MRTFB: variants seen among roughly 807,000 people sequenced by gnomAD.
MRTFB encodes the protein myocardin related transcription factor B.
A neutral mutation model predicts 104.2 loss-of-function variants in MRTFB; 29 were observed. The observed-to-expected ratio is 0.28, with a 90% CI of 0.21 to 0.38. The LOEUF (loss-of-function observed/expected upper bound fraction) is 0.38, where lower values mean the gene tolerates loss of function less well. MRTFB is among the 10% of genes least tolerant of loss of function. MRTFB has a pLI of 1.00. For missense variants in MRTFB, 1,270 were observed against 1,341.6 expected (o/e 0.95, Z 0.83); for synonymous variants, 535 against 519.5 (o/e 1.03, Z -0.41).
chr16:14,217,361 T>C (rs962122988), intron 7 of MRTFB, 74 bp downstream of exon 7: 24 of 1,348,670 alleles, frequency 1.8e-5, no homozygotes, highest in Non-Finnish European at 2.3e-5. Context: ...AAATATAATT[T>C]AAAGGCTAGC....
chr16:14,100,634 A>G (rs926960285), intron 2 of MRTFB, among the ~76,000 whole-genome samples: 1 of 152,244 alleles, frequency 6.6e-6, no homozygotes, highest in Admixed American at 6.5e-5. Context: ...TTATGAAAGA[A>G]TTTAGATAGA....
At chr16:14,093,089 T>C (rs533530173) in intron 2 of MRTFB, among the ~76,000 whole-genome samples, 1 of 152,290 alleles carries the variant, frequency 6.6e-6, no homozygotes, top group Admixed American at 6.5e-5. Context: ...ACCCTTTAAT[T>C]TTTGAAGTCA....
chr16:14,202,084 CTT>C (rs2040729774), intron 3 of MRTFB, among the ~76,000 whole-genome samples: 1 of 148,096 alleles, frequency 6.8e-6, no homozygotes. Flanking sequence ...AGGTGCAAAA[CTT>C]TATATTTGTA....
chr16:14,028,206 C>CAACAAAACAA, the MRTFB span, among the ~76,000 whole-genome samples: 14,235 of 151,262 alleles, frequency 0.094, 743 homozygotes, highest in African/African-American at 0.11. Flanking sequence ...AAACACAACA[C>CAACAAAACAA]AACAAAACAA....
At chr16:14,222,443 C>A (rs1597293357) in intron 8 of MRTFB, among the ~76,000 whole-genome samples, 1 of 151,878 alleles carries the variant, frequency 6.6e-6, no homozygotes, top group East Asian at 1.9e-4. Flanking sequence ...TCTTTTAGCT[C>A]ACCAGCTATC....
intron 15 of MRTFB, among the ~76,000 whole-genome samples, chr16:14,253,092 T>G (rs1263275096): frequency 6.6e-6 from 1 of 152,284 alleles, no homozygotes; most frequent in Non-Finnish European, 1.5e-5. Context: ...CTTGTTTGAC[T>G]GATAAAACAG....
At chr16:14,098,682 T>C (rs1255712936) in intron 2 of MRTFB, among the ~76,000 whole-genome samples, 1 of 152,228 alleles carries the variant, frequency 6.6e-6, no homozygotes. Flanking sequence ...ATTTTGATAG[T>C]TTTGGGTTTA....
intron 3 of MRTFB, among the ~76,000 whole-genome samples, chr16:14,150,652 A>C (rs996376450): frequency 2.6e-5 from 4 of 152,194 alleles, no homozygotes; most frequent in African/African-American, 9.7e-5. Flanking sequence ...TGGACAATAT[A>C]TAGCAAGACC....
At chr16:14,134,355 G>A (rs1337540840) in intron 2 of MRTFB, among the ~76,000 whole-genome samples, 1 of 152,182 alleles carries the variant, frequency 6.6e-6, no homozygotes, top group African/African-American at 2.4e-5. Context: ...TTATTTGAAA[G>A]AATTATAACC....
intron 2 of MRTFB, among the ~76,000 whole-genome samples, chr16:14,080,628 A>G (rs537118386): frequency 3.3e-5 from 5 of 152,234 alleles, no homozygotes; most frequent in African/African-American, 1.2e-4. Context: ...GTATTCTTTG[A>G]CTAACATTTC....
intron 3 of MRTFB, among the ~76,000 whole-genome samples, chr16:14,170,902 G>T (rs1322882639): frequency 6.6e-6 from 1 of 152,138 alleles, no homozygotes; most frequent in Non-Finnish European, 1.5e-5. Flanking sequence ...CCTTACATTT[G>T]TTAACAGATG....
intron 2 of MRTFB, among the ~76,000 whole-genome samples, chr16:14,104,946 C>A (rs934260019): frequency 6.6e-6 from 1 of 152,118 alleles, no homozygotes; most frequent in African/African-American, 2.4e-5. Flanking sequence ...GCTTCGTTAT[C>A]CTTGTTAGAA....
the MRTFB span, among the ~76,000 whole-genome samples, chr16:14,063,144 G>A: frequency 6.6e-6 from 1 of 152,162 alleles, no homozygotes; most frequent in Non-Finnish European, 1.5e-5. Flanking sequence ...AGCACTGGGT[G>A]CGGCAGAGGT....
chr16:14,091,994 C>CAAAAAA (rs10523985), intron 2 of MRTFB, among the ~76,000 whole-genome samples: 3 of 82,072 alleles, frequency 3.7e-5, no homozygotes, highest in South Asian at 4.8e-4. Flanking sequence ...GACTTCATCT[C>CAAAAAA]AAAAAAAAAA....
chr16:14,026,623 G>A, the MRTFB span, among the ~76,000 whole-genome samples: 1 of 152,194 alleles, frequency 6.6e-6, no homozygotes, highest in Non-Finnish European at 1.5e-5. Flanking sequence ...GGCACAGATT[G>A]TGAGATAATA....
chr16:14,029,405 TAAAAA>T, the MRTFB span, among the ~76,000 whole-genome samples: 1 of 87,158 alleles, frequency 1.1e-5, no homozygotes, highest in African/African-American at 5.2e-5. Flanking sequence ...GACTCTGTCT[TAAAAA>T]AAAAAAAAAA....
At chr16:14,162,003 C>T (rs539798683) in intron 3 of MRTFB, among the ~76,000 whole-genome samples, 3 of 151,758 alleles carry the variant, frequency 2.0e-5, no homozygotes, top group Non-Finnish European at 4.4e-5. Context: ...AACAGAAATG[C>T]GTGTATATGT....
chr16:14,258,249 C>CTTTAGATACTGA, intron 16 of MRTFB, 88 bp downstream of exon 16: 1 of 942,912 alleles, frequency 1.1e-6, no homozygotes. Context: ...CATAGCTTAT[C>CTTTAGATACTGA]TTTAGATACT....
At chr16:14,038,184 G>A in the MRTFB span, among the ~76,000 whole-genome samples, 4 of 152,050 alleles carry the variant, frequency 2.6e-5, no homozygotes, top group Non-Finnish European at 5.9e-5. Context: ...TCTTCTCCTT[G>A]TGTCCTCACA....
Sources: allele counts gnomAD v4.1 joint callset (sites outside exome capture counted in the v4.1 genomes callset), GRCh38; gene constraint gnomAD v4.1.1; transcripts MANE v1.5; gene names NCBI Gene and HGNC (gene_info 2026-07-23, HGNC 2026-07-21).